Variants in AGO3 observed in about 807,000 individuals in gnomAD.
AGO3 encodes argonaute RISC catalytic component 3.
In AGO3, 16 loss-of-function variants were observed where a neutral mutation model predicts 105.5. That is an observed-to-expected ratio of 0.15 (90% CI 0.10 to 0.23). AGO3 has a LOEUF of 0.23. Among genes scored for constraint, AGO3 ranks in the 10% least tolerant of loss-of-function variants. The pLI, the probability that AGO3 is intolerant of heterozygous loss-of-function variation, is 1.00. For synonymous variants in AGO3, 340 were observed against 367.3 expected (o/e 0.93, Z 0.85); for missense variants, 534 against 1,088.0 (o/e 0.49, Z 7.16).
At chr1:35,984,928 T>C (rs1472233493) in intron 5 of AGO3, among the ~76,000 whole-genome samples, 1 of 152,202 alleles carries the variant, frequency 6.6e-6, no homozygotes, top group African/African-American at 2.4e-5. Context: ...TATAAAACTT[T>C]ATTGAAAGAT....
Position 36,038,732 on chromosome 1 carries a change from G to C in AGO3, c.1843-1058G>C, listed in dbSNP as rs1331185465. ...CATGCTTTGAGGTCTCTTCTCCAAA[G>C]ACATAACAATATTAGACACAGAAAG... On this transcript the variant is annotated intron_variant, in intron 14 of 18. Transcript: ENST00000373191. Among the ~76,000 whole-genome samples, 3 of 152,116 alleles carry C rather than the reference G, an allele frequency of 2.0e-5. No individual in the cohort carries two copies. The East Asian group carries it at 5.8e-4, about 29-fold the overall frequency.
chr1:35,995,209 A>AAATATATATAT (rs1237315557), intron 5 of AGO3, among the ~76,000 whole-genome samples: 1 of 114,740 alleles, frequency 8.7e-6, no homozygotes, highest in African/African-American at 3.7e-5. Flanking sequence ...TAAAAAAAAA[A>AAATATATATAT]ATATATATAT....
intron 2 of AGO3, among the ~76,000 whole-genome samples, chr1:35,952,780 A>T (rs1007476169): frequency 3.3e-5 from 5 of 152,212 alleles, no homozygotes; most frequent in African/African-American, 7.2e-5. Flanking sequence ...GATGTGTAGT[A>T]GGCTCTACTA....
rs1213702659 is a variant in AGO3 at position 36,066,669 on chromosome 1, TAA to T, written c.*10925_*10926del. The stretch of plus-strand genomic sequence containing the variant: ...GTTGGGAAAACAAACAAAAATCTCT[TAA>T]GTTAGTCCTTTAATAGTCTTTTTAG... On this transcript the variant is annotated 3_prime_UTR_variant, in exon 19 of 19. Coordinates refer to ENST00000373191, the MANE Select transcript of AGO3 (RefSeq NM_024852.4). The T allele has an allele frequency of 2.0e-5, 3 of 152,240 alleles. No individual in the cohort carries two copies. Among genetic ancestry groups the T allele is most frequent in the Non-Finnish European group, 4.4e-5 (3 of 68,054 alleles). The allele number at this position is 152,240 out of a possible 1,614,324, so 9.4% of individuals were successfully genotyped here. A position where few individuals can be genotyped will look rare whatever the true frequency, so the allele number is the denominator to read the frequency against.
chr1:35,956,290 A>G (rs901800182), intron 2 of AGO3, among the ~76,000 whole-genome samples: 1 of 152,180 alleles, frequency 6.6e-6, no homozygotes, highest in Non-Finnish European at 1.5e-5. Context: ...TTTAACAGAA[A>G]TATAGATTCT....
intron 5 of AGO3, among the ~76,000 whole-genome samples, chr1:35,990,489 C>G (rs867233154): frequency 1.3e-5 from 2 of 152,270 alleles, no homozygotes; most frequent in South Asian, 4.1e-4. Context: ...GTCTGGGCGA[C>G]AGAGACTCCA....
intron 1 of AGO3, among the ~76,000 whole-genome samples, chr1:35,932,645 G>T (rs1472896299): frequency 1.3e-5 from 2 of 148,946 alleles, no homozygotes; most frequent in East Asian, 3.9e-4. Flanking sequence ...CCATTGTTTC[G>T]CTTTCCCCCA....
chr1:36,047,742 A>T (rs1241676555), intron 17 of AGO3, among the ~76,000 whole-genome samples: 1 of 152,056 alleles, frequency 6.6e-6, no homozygotes, highest in Admixed American at 6.6e-5. Flanking sequence ...TTAGCCAGGC[A>T]TGGTGGCATG....
At chr1:36,028,603 C>G (rs1192029701) in intron 12 of AGO3, among the ~76,000 whole-genome samples, 4 of 151,890 alleles carry the variant, frequency 2.6e-5, no homozygotes, top group Non-Finnish European at 5.9e-5. Context: ...GCGTAGTATT[C>G]CATGGTGTAT....
At chr1:36,018,156 G>T (rs1468797669) in intron 11 of AGO3, among the ~76,000 whole-genome samples, 1 of 151,684 alleles carries the variant, frequency 6.6e-6, no homozygotes, top group Non-Finnish European at 1.5e-5. Context: ...TGTATTCTTA[G>T]TAGAGCGGGG....
chr1:36,048,427 GT>G (rs2148858434), intron 17 of AGO3, among the ~76,000 whole-genome samples: 1 of 152,218 alleles, frequency 6.6e-6, no homozygotes, highest in Admixed American at 6.5e-5. Flanking sequence ...TATAGGAAAT[GT>G]TCGAGGGAGG....
rs201683826 is a variant in AGO3, at chr1:36,064,488, ATTTCT to A, written c.*8749_*8753del. ...ACATCATGAATTTGCTTGTTAAGAA[ATTTCT>A]TTTCTGTAAGTGGTTAAAAGATAAA... On this transcript the variant is annotated 3_prime_UTR_variant, in exon 19 of 19. Coordinates refer to ENST00000373191, the MANE Select transcript of AGO3 (RefSeq NM_024852.4). 7.2e-5 allele frequency: 11 copies of A among 152,310 alleles called. No individual in the cohort carries two copies. In the East Asian group the frequency reaches 1.3e-3, roughly 19 times the overall value. 9.4% of individuals were successfully genotyped at this position (152,310 alleles called of 1,614,324 possible). A position where few individuals can be genotyped will look rare whatever the true frequency, so the allele number is the denominator to read the frequency against.
chr1:35,957,898 T>G (rs1309450596), intron 2 of AGO3, among the ~76,000 whole-genome samples: 1 of 151,716 alleles, frequency 6.6e-6, no homozygotes, highest in Non-Finnish European at 1.5e-5. Flanking sequence ...AGACCCCTTC[T>G]GTATGAAAAA....
Position 36,055,715 on chromosome 1 carries a change from A to T in AGO3, c.2553A>T (p.Gln851His). 6.2e-7 allele frequency: 1 copy of T among 1,614,216 alleles called. No individual in the cohort carries two copies. Among genetic ancestry groups the T allele is most frequent in the Non-Finnish European group, 8.5e-7 (1 of 1,180,036 alleles). ...TTGCCAAGGCTGTACAGATTCACCA[A>T]GATACCTTACGCACAATGTACTTCG... ...QALAKAVQIH[Q>H]DTLRTMYFA Residue 851 changes from glutamine (Q) to histidine (H), a missense_variant, in exon 19 of 19, where the codon CAA becomes CAT. Physicochemically the swap from Gln to His is conservative, Grantham distance 24. Transcript: ENST00000373191. The surrounding 1 kb of genome is among the most constrained non-coding windows in gnomAD (Gnocchi z 4.4).
At chr1:35,959,733 T>C (rs1250212766) in intron 2 of AGO3, among the ~76,000 whole-genome samples, 1 of 152,124 alleles carries the variant, frequency 6.6e-6, no homozygotes, top group Admixed American at 6.5e-5. Flanking sequence ...AACTCAGTTA[T>C]CAGTTTATGT....
intron 14 of AGO3, among the ~76,000 whole-genome samples, chr1:36,039,496 A>T (rs75924895): frequency 8.2e-6 from 1 of 122,692 alleles, no homozygotes; most frequent in East Asian, 1.7e-3. Context: ...GCGTCTCAAA[A>T]AAAAAAAAAA....
intron 17 of AGO3, among the ~76,000 whole-genome samples, chr1:36,050,279 A>C (rs569600392): frequency 3.8e-4 from 58 of 152,290 alleles, no homozygotes; most frequent in Middle Eastern, 3.4e-3. Context: ...TGAGGTCAGG[A>C]GTTCAAGACC....
At chr1:36,051,080 G>A (rs1374274800) in intron 17 of AGO3, among the ~76,000 whole-genome samples, 4 of 151,964 alleles carry the variant, frequency 2.6e-5, no homozygotes, top group Non-Finnish European at 5.9e-5. Context: ...CTCCCAAAGT[G>A]CTGGGATTAC....
intron 17 of AGO3, among the ~76,000 whole-genome samples, chr1:36,054,569 A>T (rs1487753024): frequency 1.3e-5 from 2 of 152,082 alleles, no homozygotes; most frequent in Admixed American, 1.3e-4. Context: ...GTGACTTGGT[A>T]TTAAATATTT....
Sources: gnomAD v4.1 joint callset for allele counts (sites outside exome capture counted in the v4.1 genomes callset) on GRCh38, gnomAD v4.1.1 for gene constraint, Gnocchi (gnomAD v3.1) non-coding constraint, MANE v1.5 for transcripts, NCBI Gene and HGNC (gene_info 2026-07-23, HGNC 2026-07-21) for gene names.